The following LAMC1 variants were observed in gnomAD, a reference collection of about 807,000 sequenced individuals.
LAMC1 encodes laminin subunit gamma-1.
Under a neutral mutation model 173.6 loss-of-function variants are expected in LAMC1, and 38 were observed. That is an observed-to-expected ratio of 0.22 (90% CI 0.17 to 0.29). The LOEUF is 0.29. Ranked by LOEUF, LAMC1 falls within the 10% of genes least tolerant of loss-of-function variation. LAMC1 has a pLI of 1.00. For synonymous variants in LAMC1, 746 were observed against 749.1 expected, an observed-to-expected ratio of 1.00 and a Z score of 0.07; for missense variants, 1,824 against 2,051.8, an observed-to-expected ratio of 0.89 and a Z score of 2.14.
At chr1:183,121,685 A>G in intron 11 of LAMC1, 38 bp from the exon 12 acceptor site, 1 of 1,560,248 alleles carries the variant, frequency 6.4e-7, no homozygotes, top group Non-Finnish European at 8.7e-7. Flanking sequence ...TTGGAAAACA[A>G]GCCAGTTCAG....
intron 1 of LAMC1, among the ~76,000 whole-genome samples, chr1:183,045,128 T>TC (rs1333597475): frequency 2.6e-5 from 4 of 151,724 alleles, no homozygotes; most frequent in African/African-American, 4.8e-5. Flanking sequence ...GTAGGTTTTT[T>TC]TTTTTTGGCT....
In LAMC1 at chr1:183,117,685, T is replaced by A; in HGVS notation, c.1839T>A (p.Asn613Lys). The change falls in exon 10 of 28, where the codon AAT becomes AAA. Residue 613 changes from asparagine to lysine, a missense_variant. Transcript: ENST00000258341. ...CTGTACCCTTGATCGCTCAGGGCAA[T>A]TCCTATCCAAGTGAGACCACTGTGA... ...RVSVPLIAQG[N>K]SYPSETTVKY... The A allele has an allele frequency of 1.2e-6, 2 of 1,614,230 alleles. No homozygotes were observed. The highest frequency in any genetic ancestry group is 1.7e-6 in the Non-Finnish European group (2 of 1,180,044).
rs1656889136 is a variant in LAMC1 at position 183,134,701 on chromosome 1, A to G, written c.3891A>G (p.Glu1297=). 5 of 1,612,896 alleles carry G rather than the reference A, an allele frequency of 3.1e-6. No homozygotes were observed. The Admixed American group carries it at 8.4e-5, about 27-fold the overall frequency. Residue 1297 remains glutamate, a synonymous_variant, in exon 23 of 28, where the codon GAA becomes GAG. Transcript: ENST00000258341. ...NNIKMEAENL[E]QLIDQKLKDY... The stretch of plus-strand genomic sequence containing the variant: ...TAAAGATGGAAGCTGAGAATCTGGA[A>G]CAACTGATTGACCAGAAATTAAAAG...
In LAMC1 at chr1:183,023,980, C is replaced by T. The variant is rs777344063; in HGVS notation, c.264C>T (p.Ser88=). 8 of 1,613,270 alleles carry T rather than the reference C, an allele frequency of 5.0e-6. No homozygotes were observed. The highest frequency in any genetic ancestry group is 6.8e-6 in the Non-Finnish European group (8 of 1,179,970). Residue 88 remains serine (S), a synonymous_variant, in exon 1 of 28, where the codon TCC becomes TCT. Coordinates refer to ENST00000258341, the MANE Select transcript of LAMC1 (RefSeq NM_002293.4). ...CCGGGGTGACCGGGGTCACCAAGTC[C>T]TGTCACCTGTGCGACGCCGGGCAGC... ...VQTGVTGVTK[S]CHLCDAGQPH...
At chr1:183,071,356 CA>C (rs1186340085) in intron 1 of LAMC1, among the ~76,000 whole-genome samples, 1 of 149,914 alleles carries the variant, frequency 6.7e-6, no homozygotes, top group African/African-American at 2.4e-5. Context: ...TGTCCAGATA[CA>C]GCTGTAATTC....
At chr1:183,033,189 T>C (rs1653888569) in intron 1 of LAMC1, among the ~76,000 whole-genome samples, 1 of 152,238 alleles carries the variant, frequency 6.6e-6, no homozygotes, top group East Asian at 1.9e-4. Flanking sequence ...CAGAAGTTGC[T>C]GGCATTAATA....
intron 1 of LAMC1, among the ~76,000 whole-genome samples, chr1:183,053,773 A>G (rs961842645): frequency 6.6e-6 from 1 of 152,000 alleles, no homozygotes; most frequent in African/African-American, 2.4e-5. Context: ...TTACAGGCGC[A>G]CACCATCATG....
At chr1:183,126,066 T>G in intron 15 of LAMC1, 54 bp from the exon 16 acceptor site, 7 of 1,553,674 alleles carry the variant, frequency 4.5e-6, no homozygotes, top group Non-Finnish European at 5.2e-6. Context: ...AAAAAAAAAG[T>G]TGTGCTTAAA....
intron 1 of LAMC1, among the ~76,000 whole-genome samples, chr1:183,089,259 CTGTT>C (rs895702654): frequency 6.6e-6 from 1 of 152,190 alleles, no homozygotes; most frequent in Non-Finnish European, 1.5e-5. Context: ...GCAGTGCTGT[CTGTT>C]TGAAATACGG....
chr1:183,057,063 C>G (rs1200757605), intron 1 of LAMC1, among the ~76,000 whole-genome samples: 1 of 152,206 alleles, frequency 6.6e-6, no homozygotes, highest in Non-Finnish European at 1.5e-5. Flanking sequence ...TCAGGGCCTA[C>G]TTGGGCTGTT....
chr1:183,063,569 A>C (rs931146196), intron 1 of LAMC1, among the ~76,000 whole-genome samples: 2 of 152,230 alleles, frequency 1.3e-5, no homozygotes, highest in African/African-American at 4.8e-5. Flanking sequence ...ATGTGTCAGC[A>C]GTTGCTTTTG....
In LAMC1 at chr1:183,117,379, T is replaced by C. The variant is rs748051933; in HGVS notation, c.1624T>C (p.Ser542Pro). The C allele has an allele frequency of 1.3e-5, 21 of 1,613,786 alleles. No homozygotes were observed. The highest frequency in any genetic ancestry group is 1.7e-5 in the Non-Finnish European group (20 of 1,179,766). ...DGSEASLEWS[S>P]ERQDIAVISD... is the part of the protein sequence containing the mutation. ...CTCTGAAGCATCTCTCGAGTGGTCC[T>C]CTGAGAGGCAAGATATCGCCGTGAT... The change falls in exon 9 of 28, where the codon TCT becomes CCT. Residue 542 changes from serine to proline, a missense_variant. Ser to Pro is a moderately conservative substitution (Grantham distance 74, BLOSUM62 -1). Coordinates refer to ENST00000258341, the MANE Select transcript of LAMC1 (RefSeq NM_002293.4).
chr1:183,064,072 A>G (rs1160632735), intron 1 of LAMC1, among the ~76,000 whole-genome samples: 1 of 152,214 alleles, frequency 6.6e-6, no homozygotes, highest in East Asian at 1.9e-4. Flanking sequence ...TTATTATTGT[A>G]GAATTGACTC....
chr1:183,046,190 T>C (rs1440044173), intron 1 of LAMC1, among the ~76,000 whole-genome samples: 1 of 152,122 alleles, frequency 6.6e-6, no homozygotes, highest in Non-Finnish European at 1.5e-5. Flanking sequence ...TTAAGGATCT[T>C]CTGAAGTTTT....
chr1:183,105,273 A>G (rs1655947843), intron 2 of LAMC1, among the ~76,000 whole-genome samples: 1 of 151,150 alleles, frequency 6.6e-6, no homozygotes, highest in African/African-American at 2.4e-5. Flanking sequence ...AAGAAAAAGC[A>G]GAAGACCGAA....
chr1:183,132,587 T>A, intron 21 of LAMC1, 50 bp downstream of exon 21: 1 of 1,437,620 alleles, frequency 7.0e-7, no homozygotes, highest in Non-Finnish European at 9.7e-7. Flanking sequence ...TTCTGGTAAG[T>A]AACACTAGTT....
intron 1 of LAMC1, among the ~76,000 whole-genome samples, chr1:183,035,421 G>A (rs1292421387): frequency 6.6e-6 from 1 of 152,050 alleles, no homozygotes; most frequent in Non-Finnish European, 1.5e-5. Flanking sequence ...TCCTGGCCTC[G>A]AGCAATCCTC....
intron 25 of LAMC1, 65 bp downstream of exon 25, chr1:183,136,650 T>C: frequency 7.3e-7 from 1 of 1,376,390 alleles, no homozygotes; most frequent in Middle Eastern, 2.0e-4. Flanking sequence ...TCCAGTTTCT[T>C]TCCAGACCCT....
At chr1:183,056,529 C>T (rs1370965155) in intron 1 of LAMC1, among the ~76,000 whole-genome samples, 1 of 152,136 alleles carries the variant, frequency 6.6e-6, no homozygotes, top group Admixed American at 6.5e-5. Context: ...CCACCCTCCT[C>T]CCCCCATCCC....
Sources: gnomAD v4.1 joint callset for allele counts (sites outside exome capture counted in the v4.1 genomes callset) on GRCh38, gnomAD v4.1.1 for gene constraint, MANE v1.5 for transcripts, NCBI Gene and HGNC (gene_info 2026-07-23, HGNC 2026-07-21) for gene names.